The following MCC variants were observed in gnomAD, a reference collection of about 807,000 sequenced individuals.
The protein encoded by MCC is MCC regulator of Wnt signaling pathway, also known as colorectal mutant cancer protein.
MCC carries 90 observed loss-of-function variants against 116.2 expected under a neutral mutation model. The ratio of observed to expected loss-of-function variants is 0.77; its 90% confidence interval spans 0.65 to 0.92. The LOEUF is 0.92. MCC is among the 40% of genes least tolerant of loss of function. MCC has a pLI of 0.00. For synonymous variants in MCC, 578 were observed against 510.5 expected (o/e 1.13, Z -1.78); for missense variants, 1,516 against 1,312.2 (o/e 1.16, Z -2.40).
At chr5:113,345,366 G>A (rs1581415368) in intron 2 of MCC, among the ~76,000 whole-genome samples, 1 of 152,198 alleles carries the variant, frequency 6.6e-6, no homozygotes, top group Admixed American at 6.5e-5. Context: ...ACATAATCCT[G>A]GCTGGTTTCC....
chr5:113,087,794 A>C (rs1186030198), intron 8 of MCC, among the ~76,000 whole-genome samples: 1 of 147,220 alleles, frequency 6.8e-6, no homozygotes, highest in African/African-American at 2.5e-5. Flanking sequence ...TTATATCTCT[A>C]TTTAAAAAAA....
At chr5:113,215,282 G>T (rs1432820873) in intron 3 of MCC, among the ~76,000 whole-genome samples, 1 of 152,200 alleles carries the variant, frequency 6.6e-6, no homozygotes, top group Non-Finnish European at 1.5e-5. Context: ...AGACAACTTG[G>T]TGGGGGGAGG....
At chr5:113,230,983 G>C (rs775157026) in intron 3 of MCC, among the ~76,000 whole-genome samples, 2 of 152,030 alleles carry the variant, frequency 1.3e-5, no homozygotes, top group African/African-American at 2.4e-5. Context: ...CACTCCCCCA[G>C]CTACAGGAAT....
At chr5:113,238,580 A>G (rs1764237196) in intron 3 of MCC, among the ~76,000 whole-genome samples, 2 of 152,240 alleles carry the variant, frequency 1.3e-5, no homozygotes, top group South Asian at 4.1e-4. Flanking sequence ...AGATTTTGTT[A>G]TTGGTTGTAT....
Position 113,488,300 on chromosome 5 carries a change from T to C in MCC, c.115A>G (p.Arg39Gly), listed in dbSNP as rs1422680452. The C allele has an allele frequency of 1.2e-5, 19 of 1,593,942 alleles. 1 individual carries two copies. Among genetic ancestry groups the C allele is most frequent in the Non-Finnish European group, 1.5e-5 (18 of 1,171,586 alleles). The change falls in exon 1 of 19, where the codon AGG becomes GGG. Residue 39 changes from arginine (R) to glycine (G), a missense_variant. By Grantham distance (125) the Arg-to-Gly change is moderately radical. Coordinates refer to ENST00000408903, the MANE Select transcript of MCC (RefSeq NM_001085377.2). Reference sequence around the variant, plus strand: ...CACGTCTGGAAGAGGCGCCGCATCCTCTCCTCCTCGCCGGTGCTGGACGTG... The same window carrying C: ...CACGTCTGGAAGAGGCGCCGCATCCCCTCCTCCTCGCCGGTGCTGGACGTG... ...SDTSSTGEEE[R>G]MRRLFQTCDG...
intron 14 of MCC, among the ~76,000 whole-genome samples, chr5:113,062,869 A>T (rs1468626192): frequency 6.6e-6 from 1 of 152,200 alleles, no homozygotes; most frequent in Non-Finnish European, 1.5e-5. Flanking sequence ...AGAAAGAGAG[A>T]GGGGAACATT....
At chr5:113,238,470 C>T (rs967213507) in intron 3 of MCC, among the ~76,000 whole-genome samples, 24 of 152,138 alleles carry the variant, frequency 1.6e-4, no homozygotes, top group African/African-American at 5.8e-4. Context: ...ACTCTCTCTC[C>T]TAAAAAGACT....
chr5:113,198,481 G>A (rs1002945999), intron 3 of MCC, among the ~76,000 whole-genome samples: 7 of 151,128 alleles, frequency 4.6e-5, no homozygotes, highest in South Asian at 4.2e-4. Flanking sequence ...AATGGCTGGA[G>A]CCCAGGAGTT....
intron 3 of MCC, among the ~76,000 whole-genome samples, chr5:113,266,827 A>C (rs1765437686): frequency 6.6e-6 from 1 of 152,100 alleles, no homozygotes; most frequent in African/African-American, 2.4e-5. Flanking sequence ...AAAAAACCTA[A>C]CAAAAAAACC....
intron 17 of MCC, among the ~76,000 whole-genome samples, chr5:113,034,714 G>A (rs994392607): frequency 3.9e-5 from 6 of 152,160 alleles, no homozygotes; most frequent in African/African-American, 1.2e-4. Context: ...CTTTTAACCC[G>A]TCAGGCTCTG....
chr5:113,136,136 C>G (rs982512768), intron 5 of MCC, among the ~76,000 whole-genome samples: 1 of 152,166 alleles, frequency 6.6e-6, no homozygotes, highest in Admixed American at 6.5e-5. Context: ...ATATGCATAG[C>G]GTAGCCATTG....
chr5:113,067,079 A>G (rs1457124666), intron 13 of MCC, among the ~76,000 whole-genome samples: 1 of 152,198 alleles, frequency 6.6e-6, no homozygotes, highest in Admixed American at 6.5e-5. Context: ...GCCACGTTTT[A>G]GCAAATGCTG....
intron 17 of MCC, among the ~76,000 whole-genome samples, chr5:113,038,034 A>G (rs572433324): frequency 1.3e-5 from 2 of 152,286 alleles, no homozygotes; most frequent in African/African-American, 4.8e-5. Flanking sequence ...CCATTAGGAC[A>G]CTACTCTCTG....
chr5:113,105,496 T>C (rs1467325447), intron 6 of MCC, among the ~76,000 whole-genome samples: 2 of 152,136 alleles, frequency 1.3e-5, no homozygotes, highest in Non-Finnish European at 2.9e-5. Context: ...ACACAACTAG[T>C]CTACCTACTT....
chr5:113,281,714 C>A (rs767794265), intron 3 of MCC, among the ~76,000 whole-genome samples: 2 of 152,148 alleles, frequency 1.3e-5, no homozygotes, highest in Non-Finnish European at 2.9e-5. Flanking sequence ...AGGCAATGAG[C>A]TTTTGGCATT....
intron 1 of MCC, among the ~76,000 whole-genome samples, chr5:113,467,450 C>A (rs1771942885): frequency 6.6e-6 from 1 of 152,124 alleles, no homozygotes; most frequent in African/African-American, 2.4e-5. Context: ...GAATCCTTTC[C>A]CATTGCTTGT....
chr5:113,157,514 C>A (rs1365735050), intron 3 of MCC, among the ~76,000 whole-genome samples: 2 of 150,422 alleles, frequency 1.3e-5, no homozygotes, highest in Non-Finnish European at 2.9e-5. Flanking sequence ...GATACATGCA[C>A]CTCATGCTGC....
chr5:113,378,535 C>T (rs1769037456), intron 2 of MCC, among the ~76,000 whole-genome samples: 1 of 152,138 alleles, frequency 6.6e-6, no homozygotes, highest in Admixed American at 6.5e-5. Context: ...TGTTTTACAA[C>T]TACGGAATTT....
intron 3 of MCC, among the ~76,000 whole-genome samples, chr5:113,163,544 A>AT (rs533554398): frequency 2.7e-4 from 40 of 150,562 alleles, no homozygotes; most frequent in South Asian, 2.1e-3. Flanking sequence ...ATATCCTAAC[A>AT]TTTTTTTTTG....
Sources: allele counts gnomAD v4.1 joint callset (sites outside exome capture counted in the v4.1 genomes callset), GRCh38; gene constraint gnomAD v4.1.1; transcripts MANE v1.5; gene names NCBI Gene and HGNC (gene_info 2026-07-23, HGNC 2026-07-21).